The following RP1 variants were observed in gnomAD, a reference collection of about 807,000 sequenced individuals.
RP1 encodes the protein oxygen-regulated protein 1.
Under a neutral mutation model 14.8 loss-of-function variants are expected in RP1, and 16 were observed. The observed-to-expected ratio is 1.08, with a 90% CI of 0.73 to 1.65. RP1 has a LOEUF of 1.65. Among genes scored for constraint, RP1 ranks in the 40% most tolerant of loss-of-function variants. The pLI is 0.00. For missense variants in RP1, 2,631 were observed against 2,535.0 expected (o/e 1.04, Z -0.81); for synonymous variants, 876 against 883.6 (o/e 0.99, Z 0.15).
intron 1 of RP1, among the ~76,000 whole-genome samples, chr8:54,574,377 A>G (rs1804597904): frequency 6.6e-6 from 1 of 152,106 alleles, no homozygotes; most frequent in South Asian, 2.1e-4. Context: ...TGACTGCAGC[A>G]CTAGGAGACA....
intron 27 of RP1, among the ~76,000 whole-genome samples, chr8:54,863,977 T>C (rs1384775009): frequency 6.6e-6 from 1 of 152,190 alleles, no homozygotes; most frequent in Non-Finnish European, 1.5e-5. Flanking sequence ...TTACCAATAA[T>C]GAATCCATGT....
chr8:54,690,084 T>C (rs1213962285), intron 12 of RP1, among the ~76,000 whole-genome samples: 1 of 152,094 alleles, frequency 6.6e-6, no homozygotes, highest in African/African-American at 2.4e-5. Context: ...AAAATTATTT[T>C]GCTGGTTGTT....
At chr8:54,866,339 A>T (rs942171737) in intron 28 of RP1, among the ~76,000 whole-genome samples, 1 of 152,162 alleles carries the variant, frequency 6.6e-6, no homozygotes, top group African/African-American at 2.4e-5. Context: ...AAATGATGTT[A>T]TATATGTGAA....
chr8:54,810,949 A>T (rs1810976533), intron 24 of RP1, among the ~76,000 whole-genome samples: 1 of 152,230 alleles, frequency 6.6e-6, no homozygotes, highest in African/African-American at 2.4e-5. Context: ...TAGGAAACAC[A>T]CATACAGAGG....
intron 1 of RP1, among the ~76,000 whole-genome samples, chr8:54,583,818 T>C (rs189325128): frequency 1.3e-5 from 2 of 152,236 alleles, no homozygotes; most frequent in Admixed American, 6.5e-5. Context: ...CTGATGGTAG[T>C]TAGTATTTCT....
At chr8:54,640,376 T>G (rs573410355) in intron 3 of RP1, among the ~76,000 whole-genome samples, 13 of 152,354 alleles carry the variant, frequency 8.5e-5, no homozygotes, top group Non-Finnish European at 1.5e-4. Flanking sequence ...AGCTTTATAG[T>G]AAGCCTTGAA....
chr8:54,837,845 A>G (rs930158433), intron 25 of RP1, among the ~76,000 whole-genome samples: 2 of 152,226 alleles, frequency 1.3e-5, no homozygotes, highest in Admixed American at 6.5e-5. Flanking sequence ...GACGTGGCAG[A>G]TATAGATAAT....
At chr8:54,706,793 A>T in intron 15 of RP1, 1 of 826,202 alleles carries the variant, frequency 1.2e-6, no homozygotes, top group Non-Finnish European at 1.9e-6. Context: ...ATTTTTAATA[A>T]GTGAGGAGAG....
At chr8:54,759,999 G>A (rs1044660627) in intron 22 of RP1, among the ~76,000 whole-genome samples, 1 of 152,068 alleles carries the variant, frequency 6.6e-6, no homozygotes, top group Non-Finnish European at 1.5e-5. Context: ...AAATTCAAGG[G>A]TTCGGATTTA....
rs537383194 is a variant in RP1 at position 54,775,142 on chromosome 8, T to A, written c.3451+4975T>A. Among the ~76,000 whole-genome samples the A allele has an allele frequency of 8.3e-4, 126 of 152,158 alleles. 1 individual carries two copies. The highest frequency in any genetic ancestry group is 2.8e-3 in the African/African-American group (116 of 41,508). ...GGCAAACTCACCCACAGTTGAGAAC[T>A]GCTAACCTAGAAAATAGTGGTTCTG... On this transcript the variant is annotated intron_variant, in intron 23 of 28. Coordinates refer to the RP1 transcript ENST00000637698.
intron 13 of RP1, among the ~76,000 whole-genome samples, chr8:54,701,292 G>A (rs1808009988): frequency 6.6e-6 from 1 of 152,120 alleles, no homozygotes; most frequent in Non-Finnish European, 1.5e-5. Context: ...ATCAAGAGAA[G>A]GAAGTCATTG....
chr8:54,607,158 T>C (rs1805468054), intron 1 of RP1, among the ~76,000 whole-genome samples: 2 of 152,198 alleles, frequency 1.3e-5, no homozygotes, highest in South Asian at 4.1e-4. Context: ...CTCTGTTTTT[T>C]CCCCATCTTT....
chr8:54,798,907 A>G (rs1810636244), intron 24 of RP1, among the ~76,000 whole-genome samples: 2 of 152,120 alleles, frequency 1.3e-5, no homozygotes, highest in African/African-American at 2.4e-5. Flanking sequence ...TGTAATGTTA[A>G]CATATACAAT....
intron 7 of RP1, among the ~76,000 whole-genome samples, chr8:54,666,747 T>C (rs991945873): frequency 1.3e-5 from 2 of 151,848 alleles, no homozygotes; most frequent in African/African-American, 4.8e-5. Context: ...TTAGATAATT[T>C]TCCTTGCTTA....
At chr8:54,566,726 G>A (rs901861984) in intron 1 of RP1, among the ~76,000 whole-genome samples, 4 of 152,108 alleles carry the variant, frequency 2.6e-5, no homozygotes, top group African/African-American at 7.2e-5. Flanking sequence ...TGAGCTCAGC[G>A]CCACTGCTAC....
intron 15 of RP1, among the ~76,000 whole-genome samples, chr8:54,709,318 C>T (rs532526575): frequency 2.0e-5 from 3 of 152,300 alleles, no homozygotes; most frequent in Non-Finnish European, 4.4e-5. Context: ...TGCCAGCCTA[C>T]GTTGTGCTGC....
At chr8:54,594,320 C>G (rs1460737862) in intron 1 of RP1, among the ~76,000 whole-genome samples, 1 of 152,076 alleles carries the variant, frequency 6.6e-6, no homozygotes, top group Non-Finnish European at 1.5e-5. Context: ...CTTGGTTCTT[C>G]TTGGTCTGAG....
At chr8:54,591,962 T>C (rs1221472769) in intron 1 of RP1, among the ~76,000 whole-genome samples, 1 of 152,192 alleles carries the variant, frequency 6.6e-6, no homozygotes, top group Non-Finnish European at 1.5e-5. Flanking sequence ...CCCTTCTGCC[T>C]CATTCTTTTG....
chr8:54,635,063 C>CA (rs1806321047), downstream of RP1, among the ~76,000 whole-genome samples: 1 of 143,650 alleles, frequency 7.0e-6, no homozygotes, highest in African/African-American at 2.6e-5. Context: ...GCCTGGGCAA[C>CA]AGAGCGAGAC....
Sources: gnomAD v4.1 joint callset for allele counts (sites outside exome capture counted in the v4.1 genomes callset) on GRCh38, gnomAD v4.1.1 for gene constraint, MANE v1.5 for transcripts, NCBI Gene and HGNC (gene_info 2026-07-23, HGNC 2026-07-21) for gene names.